ZAN: variants seen among roughly 807,000 people sequenced by gnomAD.
The protein encoded by ZAN is zonadhesin (gene/pseudogene).
In ZAN, 260 loss-of-function variants were observed where a neutral mutation model predicts 286.2. The observed-to-expected ratio is 0.91, with a 90% CI of 0.82 to 1.01. The LOEUF is 1.01. Ranked by LOEUF, ZAN falls within the 50% of genes least tolerant of loss-of-function variation. The pLI is 0.00. For synonymous variants in ZAN, 1,368 were observed against 1,417.5 expected (o/e 0.97, Z 0.79); for missense variants, 3,410 against 3,639.2 (o/e 0.94, Z 1.62).
At chr7:100,757,768 A>C (rs1197183083) in intron 15 of ZAN, among the ~76,000 whole-genome samples, 2 of 149,376 alleles carry the variant, frequency 1.3e-5, no homozygotes, top group Non-Finnish European at 3.0e-5. Flanking sequence ...AAAAAAAAAA[A>C]AAACAAAAAA....
chr7:100,789,211 T>G lies in ZAN; in HGVS notation c.7228-7T>G, dbSNP rs767932499. 6.2e-7 allele frequency: 1 copy of G among 1,612,238 alleles called. No homozygotes were observed. Among genetic ancestry groups the G allele is most frequent in the African/African-American group, 1.3e-5 (1 of 74,856 alleles). On this transcript the variant is annotated splice_region_variant and splice_polypyrimidine_tract_variant and intron_variant, in intron 38 of 47. Transcript: ENST00000613979. ...CCCTGTCTGTGGCTCCTGTCTTCCC[T>G]CTTTAGGTCAACAACCAGAAGATGG...
At chr7:100,750,508 C>T (rs760078781) in intron 11 of ZAN, 117 bp from the exon 12 acceptor site, 45 of 1,241,428 alleles carry the variant, frequency 3.6e-5, no homozygotes, top group Non-Finnish European at 5.0e-5. Flanking sequence ...AATGCTACGA[C>T]CTGGGAAATT....
At chr7:100,767,764 C>T (rs2116058182) in intron 25 of ZAN, 67 bp from the exon 26 acceptor site, 2 of 1,527,032 alleles carry the variant, frequency 1.3e-6, no homozygotes, top group Non-Finnish European at 1.8e-6. Flanking sequence ...AGGCATGAGC[C>T]CCCGTCCTTG....
intron 29 of ZAN, among the ~76,000 whole-genome samples, chr7:100,772,261 G>A (rs764895985): frequency 1.3e-5 from 2 of 150,812 alleles, no homozygotes; most frequent in South Asian, 2.1e-4. Flanking sequence ...GTGAAACCCC[G>A]TCTCTATTAA....
intron 34 of ZAN, among the ~76,000 whole-genome samples, chr7:100,778,442 G>GAAA (rs56157872): frequency 8.3e-5 from 11 of 133,292 alleles, no homozygotes; most frequent in African/African-American, 2.5e-4. Context: ...CATCTCTACA[G>GAAA]AAAAAAAAAA....
rs1205978192 is a variant in ZAN, at chr7:100,788,420, C to T, written c.7227+284C>T. ...ATTTAAAATGAGCTGGATATGGGGG[C>T]GCACACCTGTAGTTCCAGCTATTGG... On this transcript the variant is annotated intron_variant, in intron 38 of 47. Coordinates refer to ENST00000613979, the MANE Select transcript of ZAN (RefSeq NM_003386.3). 4.6e-5 allele frequency among the ~76,000 whole-genome samples: 7 copies of T among 151,738 alleles called. No homozygotes were observed. In the East Asian group the frequency reaches 1.2e-3, roughly 25 times the overall value.
In ZAN at chr7:100,752,020, A is replaced by G; in HGVS notation, c.1915A>G (p.Lys639Glu). The G allele has an allele frequency of 6.2e-7, 1 of 1,613,232 alleles. No individual in the cohort carries two copies. ...LTEKPTIPSE[K>E]PTIPSEKPTI... ...AGAAAAACCCACCATTCCCTCAGAA[A>G]AACCCACCATTCCCTCAGAAAAACC... The change falls in exon 14 of 48, where the codon AAA becomes GAA. Residue 639 changes from lysine (K) to glutamate (E), a missense_variant. Around this residue, in one of 7 missense-constraint regions of ZAN, gnomAD observed 872 missense variants for 938.9 expected, o/e 0.93. Transcript: ENST00000613979.
In ZAN at chr7:100,793,899, C is replaced by T. The variant is rs766670328; in HGVS notation, c.7867C>T (p.Arg2623Trp). 60 of 1,613,786 alleles carry T rather than the reference C, an allele frequency of 3.7e-5. No individual in the cohort carries two copies. Among genetic ancestry groups the T allele is most frequent in the African/African-American group, 9.3e-5 (7 of 74,930 alleles). ...CATCCTGTGCCAACCTGGCAGACCC[C>T]GGGGACTGCGAGGGCCCCTGCGTGG... ...PSILCQPGRP[R>W]GLRGPLRGRL... is the part of the protein sequence containing the mutation. Residue 2623 changes from arginine to tryptophan, a missense_variant, in exon 43 of 48, where the codon CGG becomes TGG. Arg to Trp is a moderately radical substitution (Grantham distance 101, BLOSUM62 -3). This residue lies in a region of ZAN where 1,289 missense variants were observed against 1,314.3 expected (regional missense o/e 0.98). Transcript: ENST00000613979.
Position 100,794,001 on chromosome 7 carries a change from A to G in ZAN, c.7969A>G (p.Asn2657Asp). The G allele has an allele frequency of 1.9e-6, 3 of 1,613,516 alleles. No individual in the cohort carries two copies. The highest frequency in any genetic ancestry group is 2.5e-6 in the Non-Finnish European group (3 of 1,179,746). The change falls in exon 43 of 48, where the codon AAT (asparagine) becomes GAT (aspartate). Residue 2657 changes from asparagine to aspartate, a missense_variant. Physicochemically the swap from Asn to Asp is conservative, Grantham distance 23. Coordinates refer to ENST00000613979, the MANE Select transcript of ZAN (RefSeq NM_003386.3). The part of the protein sequence containing the change: ...PPLADCGCTS[N>D]GIYYQLGSSF... ...CCTGGCTGACTGTGGCTGCACCAGCAATGGCATCTACTACCAGGTCTGAGC... is the reference window on the plus strand; with the variant it reads ...CCTGGCTGACTGTGGCTGCACCAGCGATGGCATCTACTACCAGGTCTGAGC...
At position 100,792,462 on chromosome 7, in the gene ZAN, T is replaced by G. The variant is rs777823849; in HGVS notation, c.7770T>G (p.Arg2590=). The change falls in exon 42 of 48, where the codon CGT becomes CGG. Residue 2590 remains arginine, a synonymous_variant. Transcript: ENST00000613979. ...ACCCAAGAGAGCAAGAGGAGCTGCG[T>G]TGCCAGGTCCTCAGTGGGTACGCCA... ...AQDPREQEEL[R]CQVLSGHGVS... is the part of the protein sequence containing the mutation. 6.2e-7 allele frequency: 1 copy of G among 1,613,746 alleles called. No homozygotes were observed. Among genetic ancestry groups the G allele is most frequent in the African/African-American group, 1.3e-5 (1 of 74,930 alleles).
intron 34 of ZAN, 74 bp downstream of exon 34, chr7:100,776,638 TCCCTTCCCTCCCCTC>T: frequency 8.3e-7 from 1 of 1,200,136 alleles, no homozygotes; most frequent in South Asian, 2.0e-5. Flanking sequence ...TGCCTTCCCT[TCCCTTCCCTCCCCTC>T]CCCTCCCCTC....
At chr7:100,777,234 G>A (rs974920336) in intron 34 of ZAN, among the ~76,000 whole-genome samples, 5 of 151,750 alleles carry the variant, frequency 3.3e-5, no homozygotes, top group Admixed American at 6.6e-5. Flanking sequence ...TAGCAGAGAC[G>A]GGGTTTCACC....
At chr7:100,742,636 T>G (rs1358776605) in intron 7 of ZAN, among the ~76,000 whole-genome samples, 2 of 77,106 alleles carry the variant, frequency 2.6e-5, no homozygotes, top group East Asian at 5.8e-4. Flanking sequence ...AGGCCGAGGT[T>G]GGCGGATCAC....
In ZAN at chr7:100,791,037, G is replaced by T; in HGVS notation, c.7453G>T (p.Ala2485Ser). The T allele has an allele frequency of 6.2e-7, 1 of 1,612,942 alleles. No individual in the cohort carries two copies. The highest frequency in any genetic ancestry group is 1.1e-5 in the South Asian group (1 of 90,768). Residue 2485 changes from alanine (A) to serine (S), a missense_variant, in exon 40 of 48, where the codon GCC (alanine) becomes TCC (serine). Around this residue, in one of 7 missense-constraint regions of ZAN, gnomAD observed 1,289 missense variants for 1,314.3 expected, o/e 0.98. Transcript: ENST00000613979. ...GAATGACATGATGCTGCCCAGTGGC[G>T]CCCTGACCCAGAACCTCAACACCTT... is the stretch of plus-strand genomic sequence containing the variant. Reference protein sequence around the residue: ...RKNDMMLPSGALTQNLNTFGN... With the variant: ...RKNDMMLPSGSLTQNLNTFGN...
intron 15 of ZAN, among the ~76,000 whole-genome samples, chr7:100,757,200 G>C (rs1050969144): frequency 1.3e-5 from 2 of 151,658 alleles, no homozygotes; most frequent in African/African-American, 4.8e-5. Flanking sequence ...CTGTTGCCCA[G>C]GCTGGTCTAT....
chr7:100,760,343 CCTT>C lies in ZAN; in HGVS notation c.3697-47_3697-45del, dbSNP rs781241540. ...GGAAATGAAAGTCTGCTGGGGTCCT[CCTT>C]GACCCCCAGCTCTGTCTGTCTCTTG... On this transcript the variant is annotated intron_variant, in intron 18 of 47. Transcript: ENST00000613979. 5.6e-6 allele frequency: 9 copies of C among 1,600,914 alleles called. No homozygotes were observed. The South Asian group carries it at 9.9e-5, about 18-fold the overall frequency.
At position 100,760,306 on chromosome 7, in the gene ZAN, C is replaced by A. The variant is rs571093570; in HGVS notation, c.3697-85C>A. ...TTAGGCCGCTGTGGATGGTGTCCTGCCTCCCAGCTATGGAAATGAAAGTCT... is the reference window on the plus strand; with the variant it reads ...TTAGGCCGCTGTGGATGGTGTCCTGACTCCCAGCTATGGAAATGAAAGTCT... On this transcript the variant is annotated intron_variant, in intron 18 of 47. Coordinates refer to ENST00000613979, the MANE Select transcript of ZAN (RefSeq NM_003386.3). The A allele has an allele frequency of 4.5e-6, 7 of 1,542,094 alleles. No homozygotes were observed. The South Asian group carries it at 7.1e-5, about 16-fold the overall frequency.
At chr7:100,749,460 G>A (rs1321884316) in intron 11 of ZAN, among the ~76,000 whole-genome samples, 1 of 150,908 alleles carries the variant, frequency 6.6e-6, no homozygotes, top group Non-Finnish European at 1.5e-5. Flanking sequence ...CTAACACGGT[G>A]AAACCCCGTC....
At position 100,797,560 on chromosome 7, in the gene ZAN, T is replaced by A; in HGVS notation, c.8367-17T>A. The A allele has an allele frequency of 6.2e-7, 1 of 1,613,724 alleles. No individual in the cohort carries two copies. Among genetic ancestry groups the A allele is most frequent in the Non-Finnish European group, 8.5e-7 (1 of 1,179,830 alleles). On this transcript the variant is annotated splice_polypyrimidine_tract_variant and intron_variant, in intron 46 of 47. Transcript: ENST00000613979. ...GGGCCACTTGGGGACCCATGTCTAT[T>A]CCCCCATGCCTTCTAGAGAGAAAAC...
Sources: gnomAD v4.1 joint callset for allele counts (sites outside exome capture counted in the v4.1 genomes callset) on GRCh38, gnomAD v4.1.1 for gene constraint, gnomAD v4.1.1 regional missense constraint, MANE v1.5 for transcripts, NCBI Gene and HGNC (gene_info 2026-07-23, HGNC 2026-07-21) for gene names.